Variants in LAMA3 observed in about 807,000 individuals in gnomAD.
The protein encoded by LAMA3 is laminin subunit alpha 3.
In LAMA3, 281 loss-of-function variants were observed where a neutral mutation model predicts 402.0. The ratio of observed to expected loss-of-function variants is 0.70; its 90% confidence interval spans 0.63 to 0.77. The LOEUF (loss-of-function observed/expected upper bound fraction) is 0.77. LAMA3 is among the 30% of genes least tolerant of loss of function. LAMA3 has a pLI of 0.00. For missense variants in LAMA3, 3,840 were observed against 4,215.5 expected, an observed-to-expected ratio of 0.91 and a Z score of 2.47; for synonymous variants, 1,431 against 1,558.4, an observed-to-expected ratio of 0.92 and a Z score of 1.93.
At chr18:23,951,802 T>A in intron 73 of LAMA3, 25 bp downstream of exon 73, 1 of 1,553,612 alleles carries the variant, frequency 6.4e-7, no homozygotes, top group Non-Finnish European at 8.9e-7. Flanking sequence ...AGCTGATTGT[T>A]CATGCACTAA....
chr18:23,710,171 A>ATCT (rs3084408), intron 1 of LAMA3: 362,135 of 683,984 alleles, frequency 0.53, 103,429 homozygotes, highest in Non-Finnish European at 0.62. Context: ...TGACGTGCAG[A>ATCT]TCTTTTTTTG....
At chr18:23,914,200 G>T (rs1438672412) in intron 56 of LAMA3, among the ~76,000 whole-genome samples, 1 of 152,200 alleles carries the variant, frequency 6.6e-6, no homozygotes, top group African/African-American at 2.4e-5. Flanking sequence ...ATGAATAAAT[G>T]AGTGCCCTAT....
intron 2 of LAMA3, among the ~76,000 whole-genome samples, chr18:23,741,295 G>T (rs948044536): frequency 5.3e-5 from 8 of 152,090 alleles, no homozygotes; most frequent in African/African-American, 1.9e-4. Flanking sequence ...CCAAAAGAAA[G>T]AAGTGTTCTT....
chr18:23,939,355 T>G lies in LAMA3; in HGVS notation c.8995T>G (p.Phe2999Val). ...GGACATTCCCACCAGCCACTTGCTA[T>G]TCAAGCTTCCTCAGGAGCTGCTGAA... ...FGDIPTSHLL[F>V]KLPQELLKPR... The change falls in exon 68 of 75, where the codon TTC (phenylalanine) becomes GTC (valine). Residue 2999 changes from phenylalanine to valine, a missense_variant. Phe to Val is a conservative substitution (Grantham distance 50). Coordinates refer to ENST00000313654, the MANE Select transcript of LAMA3 (RefSeq NM_198129.4). 6.2e-7 allele frequency: 1 copy of G among 1,614,238 alleles called. No individual in the cohort carries two copies. The highest frequency in any genetic ancestry group is 8.5e-7 in the Non-Finnish European group (1 of 1,180,026).
intron 26 of LAMA3, 71 bp downstream of exon 26, chr18:23,838,949 T>A: frequency 1.1e-6 from 1 of 928,714 alleles, no homozygotes; most frequent in East Asian, 2.4e-5. Context: ...GGCTGAAACT[T>A]TATACTCAAC....
chr18:23,776,047 T>A, intron 10 of LAMA3, 124 bp downstream of exon 10: 1 of 976,604 alleles, frequency 1.0e-6, no homozygotes, highest in Non-Finnish European at 1.6e-6. Flanking sequence ...AGGTGGGTTG[T>A]ATTTATGTAA....
At chr18:23,939,499 C>T in intron 68 of LAMA3, 113 bp downstream of exon 68, 1 of 1,178,028 alleles carries the variant, frequency 8.5e-7, no homozygotes, top group Non-Finnish European at 1.3e-6. Flanking sequence ...GAAGGTGGCA[C>T]TACCATTTTT....
intron 23 of LAMA3, among the ~76,000 whole-genome samples, chr18:23,833,052 C>A (rs2063516825): frequency 6.6e-6 from 1 of 152,286 alleles, no homozygotes; most frequent in African/African-American, 2.4e-5. Flanking sequence ...TGTTAAGTAA[C>A]TTGTGCAAGA....
chr18:23,766,046 G>C (rs1333407640), intron 8 of LAMA3, among the ~76,000 whole-genome samples: 1 of 152,104 alleles, frequency 6.6e-6, no homozygotes, highest in African/African-American at 2.4e-5. Flanking sequence ...AGAAAAAAAA[G>C]TGAAGAAATA....
intron 42 of LAMA3, among the ~76,000 whole-genome samples, chr18:23,892,362 G>C (rs1371335782): frequency 2.0e-5 from 3 of 152,004 alleles, no homozygotes; most frequent in Non-Finnish European, 4.4e-5. Context: ...ATTCCTGTTA[G>C]AGTTTTGTTG....
Position 23,909,134 on chromosome 18 carries a change from T to C in LAMA3, c.7016-19T>C. ...CTTAATGCACAATCTTACATTTCTATTTTTTTTCTCACCAACAGTGAATAA... is the reference window on the plus strand; with the variant it reads ...CTTAATGCACAATCTTACATTTCTACTTTTTTTCTCACCAACAGTGAATAA... On this transcript the variant is annotated intron_variant, in intron 54 of 74. Coordinates refer to ENST00000313654, the MANE Select transcript of LAMA3 (RefSeq NM_198129.4). The C allele has an allele frequency of 6.2e-7, 1 of 1,600,460 alleles. No individual in the cohort carries two copies. The highest frequency in any genetic ancestry group is 8.6e-7 in the Non-Finnish European group (1 of 1,168,496).
intron 42 of LAMA3, among the ~76,000 whole-genome samples, chr18:23,891,428 T>G (rs1023711987): frequency 1.3e-5 from 2 of 152,156 alleles, no homozygotes; most frequent in African/African-American, 4.8e-5. Flanking sequence ...GGAAGATAAG[T>G]GGGTATCAGA....
In LAMA3 at chr18:23,753,751, G is replaced by A; in HGVS notation, c.886G>A (p.Gly296Ser). The A allele has an allele frequency of 6.2e-7, 1 of 1,613,874 alleles. No homozygotes were observed. Among genetic ancestry groups the A allele is most frequent in the Non-Finnish European group, 8.5e-7 (1 of 1,179,756 alleles). Residue 296 changes from glycine (G) to serine (S), a missense_variant, in exon 6 of 75, where the codon GGT becomes AGT. Physicochemically the swap from Gly to Ser is moderately conservative, Grantham distance 56. Transcript: ENST00000313654. ...YYYSIKDISI[G>S]GQCVCNGHAE... Reference sequence around the variant, plus strand: ...TTACAGCATAAAGGACATCAGCATTGGTGGGCAGTGTGTTTGCAATGGCCA... The same window carrying A: ...TTACAGCATAAAGGACATCAGCATTAGTGGGCAGTGTGTTTGCAATGGCCA...
intron 70 of LAMA3, among the ~76,000 whole-genome samples, chr18:23,947,083 G>A (rs1337331208): frequency 1.3e-5 from 2 of 152,154 alleles, no homozygotes; most frequent in Admixed American, 1.3e-4. Context: ...GGGAAAGTTG[G>A]GACTCCCTCT....
At chr18:23,867,485 G>C (rs1376984549) in intron 36 of LAMA3, among the ~76,000 whole-genome samples, 6 of 149,076 alleles carry the variant, frequency 4.0e-5, no homozygotes, top group East Asian at 2.0e-4. Flanking sequence ...GATGCCAGAG[G>C]TTGCAGTGAG....
intron 8 of LAMA3, among the ~76,000 whole-genome samples, chr18:23,764,159 C>T (rs971173799): frequency 6.6e-6 from 1 of 152,118 alleles, no homozygotes; most frequent in African/African-American, 2.4e-5. Context: ...ACTGAAGAGG[C>T]GTTCTTCACA....
chr18:23,814,534 T>G (rs766425316), intron 15 of LAMA3, 32 bp downstream of exon 15: 1 of 1,364,402 alleles, frequency 7.3e-7, no homozygotes. Context: ...ATTTACTATA[T>G]TATAATGTTC....
chr18:23,811,983 C>G (rs1348337520), intron 13 of LAMA3, among the ~76,000 whole-genome samples: 1 of 151,912 alleles, frequency 6.6e-6, no homozygotes. Flanking sequence ...AAGCGATTCT[C>G]CTGCCTCAGC....
In LAMA3 at chr18:23,916,592, G is replaced by T. The variant is rs748892374; in HGVS notation, c.7820G>T (p.Gly2607Val). ...ESDKNYFEGTGYARVPTQPHA... is the reference protein window; with the variant it reads ...ESDKNYFEGTVYARVPTQPHA... ...GACAAAAATTATTTTGAAGGTACGG[G>T]CTATGCTCGAGTTCCAACTCAACCA... The change falls in exon 60 of 75, where the codon GGC becomes GTC. Residue 2607 changes from glycine (G) to valine (V), a missense_variant. Transcript: ENST00000313654. 8 of 1,613,946 alleles carry T rather than the reference G, an allele frequency of 5.0e-6. No homozygotes were observed. The highest frequency in any genetic ancestry group is 1.1e-5 in the South Asian group (1 of 91,076).
Sources: allele counts gnomAD v4.1 joint callset (sites outside exome capture counted in the v4.1 genomes callset), GRCh38; gene constraint gnomAD v4.1.1; transcripts MANE v1.5; gene names NCBI Gene and HGNC (gene_info 2026-07-23, HGNC 2026-07-21).